NUP210: variants seen among roughly 807,000 people sequenced by gnomAD.
The protein encoded by NUP210 is nuclear pore membrane glycoprotein 210.
In NUP210, 151 loss-of-function variants were observed where a neutral mutation model predicts 196.0. That is an observed-to-expected ratio of 0.77 (90% confidence interval 0.67 to 0.88). The LOEUF is 0.88. Ranked by LOEUF, NUP210 falls within the 40% of genes least tolerant of loss-of-function variation. The probability of loss-of-function intolerance (pLI) is 0.00; values close to 1 mark genes in which losing one functional copy is unlikely to be tolerated. For missense variants in NUP210, 2,314 were observed against 2,493.7 expected (o/e 0.93, Z 1.53); for synonymous variants, 1,070 against 1,052.7 (o/e 1.02, Z -0.32).
Position 13,317,602 on chromosome 3 carries a change from G to A in NUP210, c.*79C>T. On this transcript the variant is annotated 3_prime_UTR_variant, in exon 40 of 40. Transcript: ENST00000254508. ...CTCATCTGGAGGGGCTTGTTCCAGT[G>A]TGAATGCAGCAGGGATGTTCCATCT... is the stretch of plus-strand genomic sequence containing the variant. 9.4e-7 allele frequency: 1 copy of A among 1,065,424 alleles called. No homozygotes were observed. Among genetic ancestry groups the A allele is most frequent in the Non-Finnish European group, 1.4e-6 (1 of 709,400 alleles). 66.0% of individuals were successfully genotyped at this position (1,065,424 alleles called of 1,614,324 possible).
intron 16 of NUP210, 88 bp from the exon 17 acceptor site, chr3:13,354,195 G>T: frequency 1.8e-6 from 2 of 1,131,910 alleles, no homozygotes; most frequent in Non-Finnish European, 2.5e-6. Flanking sequence ...GCCAGCAGCT[G>T]CCCTGTGGGC....
chr3:13,369,946 C>T (rs527752715), intron 13 of NUP210, among the ~76,000 whole-genome samples: 1 of 152,324 alleles, frequency 6.6e-6, no homozygotes, highest in Admixed American at 6.5e-5. Flanking sequence ...GGCTCCTCCT[C>T]AGAGCCATGA....
intron 18 of NUP210, 84 bp downstream of exon 18, chr3:13,353,470 T>C: frequency 4.3e-6 from 5 of 1,155,370 alleles, no homozygotes; most frequent in Non-Finnish European, 6.5e-6. Flanking sequence ...CTCAGGACAC[T>C]GTGATACCCG....
intron 13 of NUP210, among the ~76,000 whole-genome samples, chr3:13,369,476 TA>T (rs934363091): frequency 1.3e-5 from 2 of 151,378 alleles, no homozygotes; most frequent in African/African-American, 4.8e-5. Flanking sequence ...GTGTTATACC[TA>T]AAAAAAAATG....
At chr3:13,332,162 C>A (rs1697021715) in intron 29 of NUP210, 131 bp downstream of exon 29, 1 of 707,704 alleles carries the variant, frequency 1.4e-6, no homozygotes, top group Admixed American at 1.9e-5. Flanking sequence ...GCAGAGGCCT[C>A]ACCCATTCCA....
intron 28 of NUP210, among the ~76,000 whole-genome samples, chr3:13,332,802 G>A (rs372639830): frequency 2.6e-5 from 4 of 152,118 alleles, no homozygotes; most frequent in African/African-American, 9.7e-5. Context: ...TCTAATGGGA[G>A]CTCCTTCAAG....
At chr3:13,378,352 C>A (rs1005207843) in intron 8 of NUP210, among the ~76,000 whole-genome samples, 1 of 152,248 alleles carries the variant, frequency 6.6e-6, no homozygotes, top group Admixed American at 6.5e-5. Context: ...CAGTCCCCTG[C>A]AACACAGGAT....
At chr3:13,342,275 G>T in intron 21 of NUP210, 152 bp from the exon 22 acceptor site, 1 of 916,668 alleles carries the variant, frequency 1.1e-6, no homozygotes, top group Non-Finnish European at 1.6e-6. Flanking sequence ...TGGACTATCA[G>T]CCAGTCAGCA....
At chr3:13,341,565 G>A (rs1156877822) in intron 23 of NUP210, among the ~76,000 whole-genome samples, 183 bp downstream of exon 23, 1 of 152,220 alleles carries the variant, frequency 6.6e-6, no homozygotes, top group East Asian at 1.9e-4. Context: ...GGTTCTGCCA[G>A]TCTAACTTTG....
chr3:13,399,861 C>T lies in NUP210; in HGVS notation c.168G>A (p.Trp56Ter). The change falls in exon 2 of 40, where the codon TGG becomes TGA. Residue 56 changes from tryptophan (W) to a stop codon, truncating the protein, a stop_gained and splice_region_variant. Transcript: ENST00000254508. LOFTEE classifies it high-confidence loss of function. ...TGGCCACCTCCGGCCGGGTGGACAACCTGCAGTGGAAGAAGACAGCATTTA... is the reference window on the plus strand; with the variant it reads ...TGGCCACCTCCGGCCGGGTGGACAATCTGCAGTGGAAGAAGACAGCATTTA... Reference protein sequence around the residue: ...TLEASEGCYRWLSTRPEVASI... With the variant: ...TLEASEGCYR The T allele has an allele frequency of 8.7e-6, 14 of 1,602,778 alleles. No homozygotes were observed. Among genetic ancestry groups the T allele is most frequent in the Non-Finnish European group, 1.2e-5 (14 of 1,174,348 alleles).
intron 14 of NUP210, among the ~76,000 whole-genome samples, chr3:13,364,318 T>C (rs1160677058): frequency 6.6e-6 from 1 of 152,092 alleles, no homozygotes; most frequent in African/African-American, 2.4e-5. Context: ...GGAACAAATG[T>C]GTGGAGGATG....
chr3:13,408,510 C>T (rs1017468474), intron 1 of NUP210, among the ~76,000 whole-genome samples: 1 of 152,128 alleles, frequency 6.6e-6, no homozygotes, highest in African/African-American at 2.4e-5. Context: ...GGTTTTTAGG[C>T]CAGGTGCCAT....
chr3:13,367,982 T>C (rs1698598650), intron 13 of NUP210, among the ~76,000 whole-genome samples: 1 of 152,266 alleles, frequency 6.6e-6, no homozygotes, highest in Non-Finnish European at 1.5e-5. Flanking sequence ...TAGAAATTGT[T>C]GGTTGCTGTT....
At chr3:13,328,686 G>A (rs1230219792) in intron 31 of NUP210, 85 bp downstream of exon 31, 2 of 1,285,786 alleles carry the variant, frequency 1.6e-6, no homozygotes, top group East Asian at 2.3e-5. Context: ...TTCAACAGCA[G>A]CAGACTTTCT....
At chr3:13,381,420 C>CTT (rs10644995) in intron 6 of NUP210, among the ~76,000 whole-genome samples, 61,060 of 134,234 alleles carry the variant, frequency 0.45, 14,081 homozygotes, top group Middle Eastern at 0.51. Context: ...CTTTTCTTTT[C>CTT]TTTTTTTTTT....
At chr3:13,370,911 C>A (rs1236433152) in intron 13 of NUP210, among the ~76,000 whole-genome samples, 3 of 152,256 alleles carry the variant, frequency 2.0e-5, no homozygotes, top group Non-Finnish European at 4.4e-5. Context: ...ACTGCCTGGA[C>A]ACTAGGTCCA....
intron 13 of NUP210, among the ~76,000 whole-genome samples, chr3:13,370,768 T>C (rs1440651523): frequency 6.6e-6 from 1 of 152,240 alleles, no homozygotes; most frequent in Non-Finnish European, 1.5e-5. Context: ...GCTCTGCACG[T>C]AATTACAGCT....
intron 16 of NUP210, among the ~76,000 whole-genome samples, chr3:13,358,018 T>G (rs556254239): frequency 6.6e-6 from 1 of 152,318 alleles, no homozygotes; most frequent in East Asian, 1.9e-4. Flanking sequence ...CTTTGGTATG[T>G]CTCTCACCTC....
chr3:13,391,857 C>T (rs562857694), intron 3 of NUP210, among the ~76,000 whole-genome samples: 1 of 152,084 alleles, frequency 6.6e-6, no homozygotes, highest in African/African-American at 2.4e-5. Flanking sequence ...GAGCCAGGCC[C>T]AGCCAGCCTT....
Sources: gnomAD v4.1 joint callset for allele counts (sites outside exome capture counted in the v4.1 genomes callset) on GRCh38, gnomAD v4.1.1 for gene constraint, MANE v1.5 for transcripts, NCBI Gene and HGNC (gene_info 2026-07-23, HGNC 2026-07-21) for gene names.